Variants in PEG3 observed in about 807,000 individuals in gnomAD.
PEG3 encodes the protein paternally-expressed gene 3 protein.
PEG3 carries 23 observed loss-of-function variants against 35.5 expected under a neutral mutation model. That is an observed-to-expected ratio of 0.65 (90% confidence interval 0.47 to 0.92). The LOEUF is 0.92. PEG3 is among the 40% of genes least tolerant of loss of function. PEG3 has a pLI of 0.00. For missense variants in PEG3, 1,960 were observed against 1,985.3 expected (o/e 0.99, Z 0.24); for synonymous variants, 707 against 697.0 (o/e 1.01, Z -0.23).
At chr19:56,825,907 C>T (rs192987657) in intron 3 of PEG3, among the ~76,000 whole-genome samples, 101 of 152,308 alleles carry the variant, frequency 6.6e-4, no homozygotes, top group Non-Finnish European at 6.9e-4. Context: ...GTGGTAATCA[C>T]GGTAAACTCA....
chr19:56,823,377 A>G (rs139403207), intron 5 of PEG3, among the ~76,000 whole-genome samples: 12 of 152,192 alleles, frequency 7.9e-5, no homozygotes, highest in Non-Finnish European at 1.6e-4. Context: ...TTTATCGTTG[A>G]ATAAAACGGT....
rs542201329 is a variant in PEG3 at position 56,811,022 on chromosome 19, T to A, written c.*2653A>T. 1.8e-5 allele frequency: 18 copies of A among 977,594 alleles called. No homozygotes were observed. Among genetic ancestry groups the A allele is most frequent in the Non-Finnish European group, 2.2e-5 (18 of 822,862 alleles). The allele number at this position is 977,594 out of a possible 1,614,324, so 60.6% of individuals were successfully genotyped here. ...TTGAATATACATTTTGACACAGTTA[T>A]AATCATAAACCTGTGCACAGAAACA... On this transcript the variant is annotated 3_prime_UTR_variant, in exon 10 of 10. Coordinates refer to ENST00000326441, the MANE Select transcript of PEG3 (RefSeq NM_006210.3).
At position 56,815,800 on chromosome 19, in the gene PEG3, G is replaced by A. The variant is rs1383736888; in HGVS notation, c.2642C>T (p.Pro881Leu). Residue 881 changes from proline (P) to leucine (L), a missense_variant, in exon 10 of 10, where the codon CCT (proline) becomes CTT (leucine). Physicochemically the swap from Pro to Leu is moderately conservative, Grantham distance 98. Transcript: ENST00000326441. ...GCGATTCTTACTGCCCCCTTCACAA[G>A]GGTTCTCTCTGGCAGGAATCTTCTG... is the stretch of plus-strand genomic sequence containing the variant. ...KRQKIPAREN[P>L]CEGGSKNRNY... 2 of 1,613,494 alleles carry A rather than the reference G, an allele frequency of 1.2e-6. No homozygotes were observed. Among genetic ancestry groups the A allele is most frequent in the East Asian group, 2.2e-5 (1 of 44,862 alleles).
chr19:56,811,592 G>A lies in PEG3; in HGVS notation c.*2083C>T. 2 of 985,260 alleles carry A rather than the reference G, an allele frequency of 2.0e-6. No homozygotes were observed. The highest frequency in any genetic ancestry group is 4.7e-5 in the South Asian group (1 of 21,274). The allele number at this position is 985,260 out of a possible 1,614,324, so 61.0% of individuals were successfully genotyped here. ...CTTACAGCAAGTTGCTTTCTGAAAA[G>A]GGGCTACCACTGCCAACAATGTTAA... On this transcript the variant is annotated 3_prime_UTR_variant, in exon 10 of 10. Coordinates refer to ENST00000326441, the MANE Select transcript of PEG3 (RefSeq NM_006210.3).
At position 56,810,726 on chromosome 19, in the gene PEG3, A is replaced by G; in HGVS notation, c.*2949T>C. Reference sequence around the variant, plus strand: ...TTTTCATTTAAGACTTTATGCACACATATTTAACACTGTTATCACAAGCGT... The same window carrying G: ...TTTTCATTTAAGACTTTATGCACACGTATTTAACACTGTTATCACAAGCGT... On this transcript the variant is annotated 3_prime_UTR_variant, in exon 10 of 10. Transcript: ENST00000326441. The G allele has an allele frequency of 1.0e-6, 1 of 984,244 alleles. No homozygotes were observed. The allele number at this position is 984,244 out of a possible 1,614,324, so 61.0% of individuals were successfully genotyped here.
In PEG3 at chr19:56,822,817, C is replaced by T; in HGVS notation, c.501G>A (p.Arg167=). The T allele has an allele frequency of 2.5e-6, 4 of 1,614,018 alleles. No individual in the cohort carries two copies. Among genetic ancestry groups the T allele is most frequent in the Non-Finnish European group, 2.5e-6 (3 of 1,179,984 alleles). The change falls in exon 6 of 10, where the codon CGG becomes CGA. Residue 167 remains arginine (R), a synonymous_variant. Transcript: ENST00000326441. Reference sequence around the variant, plus strand: ...GCTCCATGTCTCTGCTTCTGCCCCTCCGGTCCCAGTCCCGGTCACCTAAGC... The same window carrying T: ...GCTCCATGTCTCTGCTTCTGCCCCTTCGGTCCCAGTCCCGGTCACCTAAGC... ...VHSFSDRDWD[R]RGRSRDMEPR...
At chr19:56,828,889 G>A (rs1352397801) in intron 2 of PEG3, among the ~76,000 whole-genome samples, 3 of 152,138 alleles carry the variant, frequency 2.0e-5, no homozygotes, top group African/African-American at 7.2e-5. Context: ...ATGCTAGTGA[G>A]GGTGTAGAGA....
chr19:56,815,072 C>T lies in PEG3; in HGVS notation c.3370G>A (p.Asp1124Asn), dbSNP rs1333491823. 1 of 1,613,852 alleles carries T rather than the reference C, an allele frequency of 6.2e-7. No homozygotes were observed. Residue 1124 changes from aspartate to asparagine, a missense_variant, in exon 10 of 10, where the codon GAC becomes AAC. Around this residue, in one of 5 missense-constraint regions of PEG3, gnomAD observed 124 missense variants for 179.6 expected, o/e 0.69. Transcript: ENST00000326441. ...TTCCTGCTGTGGACTTTCTGATGGT[C>T]TGTGAGGTCTGTGAGATCCACAAAG... ...LGFVDLTDLTDHQKVHSRKCL... is the reference protein window; with the variant it reads ...LGFVDLTDLTNHQKVHSRKCL...
rs780776854 is a variant in PEG3, at chr19:56,813,826, A to G, written c.4616T>C (p.Phe1539Ser). 17 of 1,614,034 alleles carry G rather than the reference A, an allele frequency of 1.1e-5. No homozygotes were observed. Among genetic ancestry groups the G allele is most frequent in the African/African-American group, 4.0e-5 (3 of 74,914 alleles). The change falls in exon 10 of 10, where the codon TTT becomes TCT. Residue 1539 changes from phenylalanine to serine, a missense_variant. Around this residue, in one of 5 missense-constraint regions of PEG3, gnomAD observed 416 missense variants for 416.7 expected, o/e 1.00. Coordinates refer to ENST00000326441, the MANE Select transcript of PEG3 (RefSeq NM_006210.3). ...SMIIFEPANA[F>S]GECSGYIERA... Reference sequence around the variant, plus strand: ...TTCGATGTAGCCTGAGCACTCCCCAAAGGCATTTGCAGGCTCAAATATGAT... The same window carrying G: ...TTCGATGTAGCCTGAGCACTCCCCAGAGGCATTTGCAGGCTCAAATATGAT...
chr19:56,813,970 T>C lies in PEG3; in HGVS notation c.4472A>G (p.Glu1491Gly). 1.2e-6 allele frequency: 2 copies of C among 1,614,130 alleles called. No individual in the cohort carries two copies. The highest frequency in any genetic ancestry group is 1.7e-6 in the Non-Finnish European group (2 of 1,179,974). ...CTGAATCTCTTGATCTTCACCTTCT[T>C]CTGGGTCTTCAATTCCCACACCGTC... ...EPDGVGIEDP[E>G]EGEDQEIQVE... The change falls in exon 10 of 10, where the codon GAA becomes GGA. Residue 1491 changes from glutamate to glycine, a missense_variant. Physicochemically the swap from Glu to Gly is moderately conservative, Grantham distance 98 (BLOSUM62 -2). This residue lies in a region of PEG3 where 416 missense variants were observed against 416.7 expected (regional missense o/e 1.00). Coordinates refer to ENST00000326441, the MANE Select transcript of PEG3 (RefSeq NM_006210.3).
At chr19:56,835,914 G>T (rs1266761379) in intron 2 of PEG3, 104 bp downstream of exon 2, 1 of 434,666 alleles carries the variant, frequency 2.3e-6, no homozygotes, top group Non-Finnish European at 4.7e-6. Context: ...TGGTGCTGGG[G>T]TGGCTATGTG....
At chr19:56,835,518 G>A (rs1434186905) in intron 2 of PEG3, among the ~76,000 whole-genome samples, 1 of 152,152 alleles carries the variant, frequency 6.6e-6, no homozygotes, top group East Asian at 1.9e-4. Context: ...TACCATCTCA[G>A]GGAGGCCCCT....
At position 56,811,076 on chromosome 19, in the gene PEG3, T is replaced by A; in HGVS notation, c.*2599A>T. 1 of 984,710 alleles carries A rather than the reference T, an allele frequency of 1.0e-6. No homozygotes were observed. Among genetic ancestry groups the A allele is most frequent in the Admixed American group, 6.1e-5 (1 of 16,276 alleles). 61.0% of individuals were successfully genotyped at this position (984,710 alleles called of 1,614,324 possible). The stretch of plus-strand genomic sequence containing the variant: ...ATGAACAAGATAAGAGGAGAGTATA[T>A]GTCTTTGGATGGTGGGGATATGATT... On this transcript the variant is annotated 3_prime_UTR_variant, in exon 10 of 10. Coordinates refer to ENST00000326441, the MANE Select transcript of PEG3 (RefSeq NM_006210.3).
rs770355537 is a variant in PEG3, at chr19:56,821,575, C to G, written c.669+76G>C. 2.6e-6 allele frequency: 4 copies of G among 1,568,008 alleles called. No individual in the cohort carries two copies. The East Asian group carries it at 6.7e-5, about 26-fold the overall frequency. The stretch of plus-strand genomic sequence containing the variant: ...GGACTCTAGGGGGCAGATAAACACA[C>G]CATCTGGGGAAAGAAAGGCGTCTCT... On this transcript the variant is annotated intron_variant, in intron 7 of 9. Transcript: ENST00000326441.
At chr19:56,834,276 A>G (rs1439175618) in intron 2 of PEG3, among the ~76,000 whole-genome samples, 1 of 152,154 alleles carries the variant, frequency 6.6e-6, no homozygotes, top group East Asian at 1.9e-4. Flanking sequence ...TGGGGAGGAC[A>G]AGGGTGTTAG....
In PEG3 at chr19:56,813,929, A is replaced by T; in HGVS notation, c.4513T>A (p.Tyr1505Asn). Residue 1505 changes from tyrosine to asparagine, a missense_variant, in exon 10 of 10, where the codon TAT (tyrosine) becomes AAT (asparagine). Physicochemically the swap from Tyr to Asn is moderately radical, Grantham distance 143 (BLOSUM62 -2). Transcript: ENST00000326441. ...GTTTCTGTGCATTCATGGCAGTCAT[A>T]GTATGGTTCTTCTACCTGAATCTCT... ...DQEIQVEEPY[Y>N]DCHECTETFT... The T allele has an allele frequency of 6.2e-7, 1 of 1,614,202 alleles. No individual in the cohort carries two copies. Among genetic ancestry groups the T allele is most frequent in the Non-Finnish European group, 8.5e-7 (1 of 1,180,032 alleles).
chr19:56,812,303 C>T lies in PEG3; in HGVS notation c.*1372G>A, dbSNP rs994888085. ...TAAAAGAATACTAAGATTAGATGAACACAACACTCAGAAATACTCTAGGAG... is the reference window on the plus strand; with the variant it reads ...TAAAAGAATACTAAGATTAGATGAATACAACACTCAGAAATACTCTAGGAG... On this transcript the variant is annotated 3_prime_UTR_variant, in exon 10 of 10. Transcript: ENST00000326441. 9.2e-6 allele frequency: 9 copies of T among 981,984 alleles called. No homozygotes were observed. In the African/African-American group the frequency reaches 1.4e-4, roughly 15 times the overall value. The allele number at this position is 981,984 out of a possible 1,614,324, so 60.8% of individuals were successfully genotyped here.
In PEG3 at chr19:56,815,130, G is replaced by C. The variant is rs761893788; in HGVS notation, c.3312C>G (p.Asp1104Glu). The change falls in exon 10 of 10, where the codon GAC becomes GAG. Residue 1104 changes from aspartate to glutamate, a missense_variant. Transcript: ENST00000326441. ...MEDPQKDDPDDKIYECEDCGL... is the reference protein window; with the variant it reads ...MEDPQKDDPDEKIYECEDCGL... ...CACAGTCCTCACATTCATAGATTTTGTCATCAGGGTCATCCTTCTGAGGGT... is the reference window on the plus strand; with the variant it reads ...CACAGTCCTCACATTCATAGATTTTCTCATCAGGGTCATCCTTCTGAGGGT... 3 of 1,613,844 alleles carry C rather than the reference G, an allele frequency of 1.9e-6. No homozygotes were observed. Among genetic ancestry groups the C allele is most frequent in the South Asian group, 2.2e-5 (2 of 91,070 alleles).
At position 56,815,882 on chromosome 19, in the gene PEG3, C is replaced by T. The variant is rs201717088; in HGVS notation, c.2560G>A (p.Glu854Lys). 1.2e-6 allele frequency: 2 copies of T among 1,613,364 alleles called. No homozygotes were observed. Among genetic ancestry groups the T allele is most frequent in the Non-Finnish European group, 1.7e-6 (2 of 1,179,580 alleles). The stretch of plus-strand genomic sequence containing the variant: ...GAGGATTCTCCCTTCTCATTAGATT[C>T]CACCAATTCATTTCCATTGTGACTT... ...PRSHNGNELV[E>K]SNEKGESSIY... Residue 854 changes from glutamate to lysine, a missense_variant, in exon 10 of 10, where the codon GAA becomes AAA. Glu to Lys is a moderately conservative substitution (Grantham distance 56, BLOSUM62 1). Around this residue, in one of 5 missense-constraint regions of PEG3, gnomAD observed 798 missense variants for 782.4 expected, o/e 1.02. Coordinates refer to ENST00000326441, the MANE Select transcript of PEG3 (RefSeq NM_006210.3).
Sources: allele counts gnomAD v4.1 joint callset (sites outside exome capture counted in the v4.1 genomes callset), GRCh38; gene constraint gnomAD v4.1.1; regional missense constraint gnomAD v4.1.1; transcripts MANE v1.5; gene names NCBI Gene and HGNC (gene_info 2026-07-23, HGNC 2026-07-21).